Variants in MALRD1 observed in about 807,000 individuals in gnomAD.
MALRD1 encodes the protein MAM and LDL receptor class A domain containing 1.
Under a neutral mutation model 242.1 loss-of-function variants are expected in MALRD1, and 247 were observed. The observed-to-expected ratio is 1.02, with a 90% CI of 0.92 to 1.13. The LOEUF (loss-of-function observed/expected upper bound fraction) is 1.13. Ranked by LOEUF, MALRD1 falls within the 50% of genes most tolerant of loss-of-function variation. MALRD1 has a pLI of 0.00. For synonymous variants in MALRD1, 995 were observed against 866.6 expected, an observed-to-expected ratio of 1.15 and a Z score of -2.60; for missense variants, 2,989 against 2,533.1, an observed-to-expected ratio of 1.18 and a Z score of -3.86.
At chr10:19,234,923 A>C (rs1386980223) in intron 18 of MALRD1, among the ~76,000 whole-genome samples, 2 of 152,094 alleles carry the variant, frequency 1.3e-5, no homozygotes, top group African/African-American at 4.8e-5. Flanking sequence ...CCATGTTGAG[A>C]GTGGGAACTG....
intron 23 of MALRD1, 113 bp from the exon 24 acceptor site, chr10:19,331,256 A>G: frequency 2.1e-6 from 2 of 965,980 alleles, no homozygotes; most frequent in Non-Finnish European, 1.5e-6. Context: ...AACAAAAACA[A>G]AAAAACAAAC....
chr10:19,107,800 T>A (rs7476107), intron 5 of MALRD1, among the ~76,000 whole-genome samples: 1 of 152,110 alleles, frequency 6.6e-6, no homozygotes, highest in Admixed American at 6.5e-5. Flanking sequence ...TTATCTGCTG[T>A]AATTTTTTTC....
intron 31 of MALRD1, 131 bp downstream of exon 31, chr10:19,498,777 A>G (rs1837837715): frequency 9.2e-7 from 1 of 1,092,644 alleles, no homozygotes; most frequent in African/African-American, 1.6e-5. Context: ...TTATGGAAAG[A>G]GGGCTAGTCT....
chr10:19,620,844 A>G (rs999160572), intron 36 of MALRD1, among the ~76,000 whole-genome samples: 10 of 152,022 alleles, frequency 6.6e-5, no homozygotes, highest in African/African-American at 2.4e-4. Context: ...TTGAAATATG[A>G]GAAAATGACC....
chr10:19,679,505 T>C (rs1414441820), intron 36 of MALRD1, among the ~76,000 whole-genome samples: 1 of 152,194 alleles, frequency 6.6e-6, no homozygotes, highest in Non-Finnish European at 1.5e-5. Flanking sequence ...AGTTGTGATA[T>C]CCCCTTCATC....
At position 19,309,873 on chromosome 10, in the gene MALRD1, T is replaced by G. The variant is rs571589950; in HGVS notation, c.3420-14076T>G. ...CAAAGAATTTAATCAGAGACTTTAC[T>G]GCAAAGACTACAAAGGATTGAGTGA... On this transcript the variant is annotated intron_variant, in intron 21 of 39. Transcript: ENST00000454679. Among the ~76,000 whole-genome samples, 8 of 151,520 alleles carry G rather than the reference T, an allele frequency of 5.3e-5. No homozygotes were observed. In the East Asian group the frequency reaches 1.4e-3, roughly 26 times the overall value.
In MALRD1 at chr10:19,195,621, G is replaced by A. The variant is rs1021388281; in HGVS notation, c.1952-8107G>A. Among the ~76,000 whole-genome samples, 7 of 152,018 alleles carry A rather than the reference G, an allele frequency of 4.6e-5. No homozygotes were observed. In the East Asian group the frequency reaches 1.4e-3, roughly 29 times the overall value. On this transcript the variant is annotated intron_variant, in intron 14 of 39. Transcript: ENST00000454679. ...AAACACAGTCTTAGAGTATGTCCGG[G>A]GTTAGAAATGACAACACCATTCTTC...
rs184142226 is a variant in MALRD1 at position 19,216,806 on chromosome 10, C to T, written c.2991+7126C>T. On this transcript the variant is annotated intron_variant, in intron 18 of 39. Coordinates refer to ENST00000454679, the MANE Select transcript of MALRD1 (RefSeq NM_001142308.3). ...TAAAAAATGGAAAAAATTAGCTGGG[C>T]GTGGTGGTGCGTGCCTGTAGTCCCA... Among the ~76,000 whole-genome samples, 68 of 151,708 alleles carry T rather than the reference C, an allele frequency of 4.5e-4. 1 individual carries two copies. The South Asian group carries it at 0.011, about 25-fold the overall frequency.
chr10:19,309,277 G>T (rs1379482012), intron 21 of MALRD1, among the ~76,000 whole-genome samples: 2 of 151,332 alleles, frequency 1.3e-5, no homozygotes, highest in Non-Finnish European at 3.0e-5. Flanking sequence ...CTTTTATTCA[G>T]AGTCTTTAAA....
intron 8 of MALRD1, among the ~76,000 whole-genome samples, chr10:19,133,226 T>C (rs1480403966): frequency 1.3e-5 from 2 of 152,202 alleles, no homozygotes; most frequent in Non-Finnish European, 2.9e-5. Context: ...TAGTAACAAT[T>C]TTACATAGAT....
chr10:19,125,310 C>T (rs545046716), intron 7 of MALRD1, among the ~76,000 whole-genome samples: 8,244 of 70,364 alleles, frequency 0.12, 490 homozygotes, highest in African/African-American at 0.16. Flanking sequence ...TCCTTCCTTC[C>T]TTCCTTCCTT....
chr10:19,585,993 T>A (rs1359924836), intron 33 of MALRD1, among the ~76,000 whole-genome samples: 1 of 152,214 alleles, frequency 6.6e-6, no homozygotes, highest in Non-Finnish European at 1.5e-5. Flanking sequence ...CCATCGCTGA[T>A]ACCCTTTCTT....
intron 33 of MALRD1, among the ~76,000 whole-genome samples, chr10:19,586,541 G>A (rs1837413763): frequency 6.6e-6 from 1 of 152,166 alleles, no homozygotes; most frequent in Admixed American, 6.5e-5. Flanking sequence ...GCTGCTCAGG[G>A]GTCAGGGGTC....
At chr10:19,524,485 A>G (rs566225287) in intron 31 of MALRD1, among the ~76,000 whole-genome samples, 3 of 152,030 alleles carry the variant, frequency 2.0e-5, no homozygotes, top group Admixed American at 6.6e-5. Context: ...AAAATTGCAG[A>G]TGCACGTTGG....
intron 4 of MALRD1, 83 bp downstream of exon 4, chr10:19,088,268 C>G: frequency 1.7e-6 from 2 of 1,157,126 alleles, no homozygotes; most frequent in Non-Finnish European, 2.2e-6. Context: ...AAAAGTAAGG[C>G]AACTGTCCCA....
chr10:19,444,574 T>C (rs1834856188), intron 28 of MALRD1, among the ~76,000 whole-genome samples: 2 of 152,282 alleles, frequency 1.3e-5, no homozygotes, highest in African/African-American at 4.8e-5. Flanking sequence ...TGAAGCTTAG[T>C]TTGGCTGGAT....
intron 31 of MALRD1, among the ~76,000 whole-genome samples, chr10:19,499,884 C>T (rs1433467265): frequency 6.6e-6 from 1 of 152,050 alleles, no homozygotes; most frequent in African/African-American, 2.4e-5. Context: ...AAGATTTTTC[C>T]CTAATTCCTT....
At chr10:19,322,400 A>G (rs1469990855) in intron 21 of MALRD1, among the ~76,000 whole-genome samples, 1 of 152,152 alleles carries the variant, frequency 6.6e-6, no homozygotes, top group Non-Finnish European at 1.5e-5. Flanking sequence ...TACTTATTTC[A>G]TTAGGAAGAA....
rs542720685 is a variant in MALRD1, at chr10:19,498,636, T to C, written c.5310T>C (p.Asp1770=). Residue 1770 remains aspartate (D), a synonymous_variant, in exon 31 of 40, where the codon GAT becomes GAC. Transcript: ENST00000454679. ...IPAKALIPDS[D]HTPGSGQHFL... is the part of the protein sequence containing the mutation. ...CCAAAGCATTAATTCCAGACTCTGA[T>C]CACACGCCAGGTAAATCTAGTAGCC... The C allele has an allele frequency of 2.1e-5, 33 of 1,549,414 alleles. No homozygotes were observed. In the African/African-American group the frequency reaches 4.5e-4, roughly 21 times the overall value.
Sources: gnomAD v4.1 joint callset for allele counts (sites outside exome capture counted in the v4.1 genomes callset) on GRCh38, gnomAD v4.1.1 for gene constraint, MANE v1.5 for transcripts, NCBI Gene and HGNC (gene_info 2026-07-23, HGNC 2026-07-21) for gene names.